Variants in ANO4 observed in about 807,000 individuals in gnomAD.
The protein encoded by ANO4 is anoctamin-4.
ANO4 carries 69 observed loss-of-function variants against 141.9 expected under a neutral mutation model. The observed-to-expected ratio is 0.49, with a 90% CI of 0.40 to 0.59. The LOEUF (loss-of-function observed/expected upper bound fraction) is 0.59, where lower values mean the gene tolerates loss of function less well. ANO4 is among the 20% of genes least tolerant of loss of function. The pLI is 0.00. For synonymous variants in ANO4, 350 were observed against 394.3 expected, an observed-to-expected ratio of 0.89 and a Z score of 1.33; for missense variants, 894 against 1,162.2, an observed-to-expected ratio of 0.77 and a Z score of 3.36.
At chr12:100,898,153 G>A (rs2040430742) in intron 1 of ANO4, among the ~76,000 whole-genome samples, 1 of 152,112 alleles carries the variant, frequency 6.6e-6, no homozygotes, top group African/African-American at 2.4e-5. Context: ...TACATTAATG[G>A]GATAATGATC....
At chr12:100,756,383 T>C (rs2032612487) in intron 3 of ANO4, among the ~76,000 whole-genome samples, 2 of 152,200 alleles carry the variant, frequency 1.3e-5, no homozygotes, top group Admixed American at 1.3e-4. Flanking sequence ...GTAGTCTTGC[T>C]CTGTTGCCCA....
exon 3 of ANO4, chr12:100,739,880 A>G (rs1476855325): frequency 1.0e-5 from 7 of 702,466 alleles, no homozygotes; most frequent in Admixed American, 6.0e-5. Context: ...GCCTGTGGCA[A>G]TTGGGCTTAC....
chr12:101,066,775 C>T, intron 14 of ANO4: 1 of 1,070,738 alleles, frequency 9.3e-7, no homozygotes, highest in Non-Finnish European at 1.5e-6. Context: ...AGGAGGAGGA[C>T]CACAGGAAGC....
chr12:101,051,550 T>G (rs2047871084), intron 14 of ANO4, among the ~76,000 whole-genome samples: 1 of 152,224 alleles, frequency 6.6e-6, no homozygotes, highest in African/African-American at 2.4e-5. Flanking sequence ...TTTGCAGAAA[T>G]CTGAAAGAGT....
At chr12:100,911,701 G>A (rs1184612266) in intron 2 of ANO4, among the ~76,000 whole-genome samples, 1 of 152,100 alleles carries the variant, frequency 6.6e-6, no homozygotes, top group Non-Finnish European at 1.5e-5. Context: ...ACTGTCTTCT[G>A]TTTCTCCCTT....
intron 8 of ANO4, among the ~76,000 whole-genome samples, chr12:100,988,872 G>GAAATAAAA (rs2044884074): frequency 1.5e-5 from 1 of 65,042 alleles, no homozygotes; most frequent in Non-Finnish European, 2.9e-5. Flanking sequence ...CTCTGTCTCA[G>GAAATAAAA]AAAAAAAAAA....
chr12:100,827,596 A>T (rs1048461757), intron 1 of ANO4, among the ~76,000 whole-genome samples: 13 of 151,994 alleles, frequency 8.6e-5, no homozygotes, highest in African/African-American at 3.1e-4. Flanking sequence ...TGACTAAATG[A>T]ATGGAATTAT....
chr12:100,969,764 C>T (rs1000929978), intron 5 of ANO4, among the ~76,000 whole-genome samples: 4 of 152,210 alleles, frequency 2.6e-5, no homozygotes, highest in African/African-American at 7.2e-5. Context: ...AAAGTCCTAA[C>T]ATATCTGTCA....
intron 8 of ANO4, among the ~76,000 whole-genome samples, chr12:100,998,104 G>A (rs2045470618): frequency 6.6e-6 from 1 of 152,170 alleles, no homozygotes; most frequent in African/African-American, 2.4e-5. Flanking sequence ...TTGAGTCAGT[G>A]GGCTGGGGAA....
intron 14 of ANO4, among the ~76,000 whole-genome samples, chr12:101,060,984 T>TA (rs1358705319): frequency 2.0e-5 from 3 of 152,206 alleles, no homozygotes; most frequent in African/African-American, 7.2e-5. Context: ...TCAATAGTCT[T>TA]GACAATTTGG....
chr12:100,917,798 A>G lies in ANO4; in HGVS notation c.56-4428A>G, dbSNP rs151166471. Among the ~76,000 whole-genome samples the G allele has an allele frequency of 4.6e-3, 706 of 152,284 alleles. 21 individuals carry two copies. The highest frequency in any genetic ancestry group is 0.037 in the Admixed American group (570 of 15,284). ...AAATATCTTATATTTGGGGGACTCT[A>G]TGTGTGATCATAATGTTTAGCATGA... On this transcript the variant is annotated intron_variant, in intron 2 of 27. Transcript: ENST00000392977.
intron 2 of ANO4, among the ~76,000 whole-genome samples, chr12:100,734,117 C>T (rs975404886): frequency 2.0e-5 from 3 of 152,286 alleles, no homozygotes; most frequent in Non-Finnish European, 4.4e-5. Context: ...TCATCATTTG[C>T]TTTAACCCTT....
intron 8 of ANO4, among the ~76,000 whole-genome samples, chr12:100,989,621 AGATGGATGGATGGATG>A (rs375754773): frequency 8.7e-5 from 9 of 103,288 alleles, no homozygotes; most frequent in Non-Finnish European, 1.3e-4. Context: ...ATGGATGGAT[AGATGGATGGATGGATG>A]GATGGATGGA....
chr12:100,844,582 C>T (rs533285726), intron 1 of ANO4, among the ~76,000 whole-genome samples: 92 of 152,164 alleles, frequency 6.0e-4, no homozygotes, highest in African/African-American at 2.0e-3. Flanking sequence ...TCCCAACAGA[C>T]ACAGCTCTGT....
intron 8 of ANO4, among the ~76,000 whole-genome samples, chr12:101,014,737 C>T (rs1407261331): frequency 6.6e-6 from 1 of 152,206 alleles, no homozygotes; most frequent in African/African-American, 2.4e-5. Context: ...TACACCCATT[C>T]AGCAGTTTAT....
intron 5 of ANO4, among the ~76,000 whole-genome samples, chr12:100,963,638 T>A (rs1195739988): frequency 6.6e-6 from 1 of 152,162 alleles, no homozygotes; most frequent in Non-Finnish European, 1.5e-5. Context: ...AATTTCTTTT[T>A]AGAGACACGT....
At chr12:101,021,682 T>C (rs2046535344) in intron 9 of ANO4, among the ~76,000 whole-genome samples, 1 of 152,220 alleles carries the variant, frequency 6.6e-6, no homozygotes. Flanking sequence ...TAATTTTGCG[T>C]TGACCATTTC....
chr12:100,901,359 C>T (rs1485469394), intron 1 of ANO4, among the ~76,000 whole-genome samples: 1 of 152,206 alleles, frequency 6.6e-6, no homozygotes, highest in Non-Finnish European at 1.5e-5. Context: ...GATACCCCAA[C>T]AGTAGTTCCT....
intron 1 of ANO4, among the ~76,000 whole-genome samples, chr12:100,848,769 T>C (rs1479804904): frequency 4.6e-5 from 7 of 152,202 alleles, no homozygotes; most frequent in Non-Finnish European, 2.9e-5. Flanking sequence ...TGGTGGAACA[T>C]GTTTTGCCCC....
Sources: gnomAD v4.1 joint callset for allele counts (sites outside exome capture counted in the v4.1 genomes callset) on GRCh38, gnomAD v4.1.1 for gene constraint, MANE v1.5 for transcripts, NCBI Gene and HGNC (gene_info 2026-07-23, HGNC 2026-07-21) for gene names.